Variants in ZNF117 observed in about 807,000 individuals in gnomAD.
ZNF117 encodes the protein Krueppel-related zinc finger protein.
A neutral mutation model predicts 41.2 loss-of-function variants in ZNF117; 37 were observed. The observed-to-expected ratio is 0.90, with a 90% CI of 0.69 to 1.18. The LOEUF (loss-of-function observed/expected upper bound fraction) is 1.18. Ranked by LOEUF, ZNF117 falls within the 50% of genes most tolerant of loss-of-function variation. The probability of loss-of-function intolerance (pLI) is 0.00; values close to 1 mark genes in which losing one functional copy is unlikely to be tolerated. For missense variants in ZNF117, 546 were observed against 557.5 expected, an observed-to-expected ratio of 0.98 and a Z score of 0.21; for synonymous variants, 186 against 186.6, an observed-to-expected ratio of 1.00 and a Z score of 0.02.
intron 1 of ZNF117, among the ~76,000 whole-genome samples, chr7:64,989,151 A>ACACC (rs1786197690): frequency 6.6e-6 from 1 of 150,626 alleles, no homozygotes; most frequent in African/African-American, 2.4e-5. Flanking sequence ...ATGTATACAC[A>ACACC]CACACACACA....
upstream of ZNF117, among the ~76,000 whole-genome samples, chr7:64,987,118 A>C (rs934478960): frequency 1.3e-5 from 2 of 152,194 alleles, no homozygotes; most frequent in Non-Finnish European, 2.9e-5. Context: ...ACAACTTGAT[A>C]CAAATATAAA....
chr7:64,990,465 A>C, exon 1 of ZNF117: 1 of 184,362 alleles, frequency 5.4e-6, no homozygotes, highest in Non-Finnish European at 1.1e-5. Flanking sequence ...TGCATCAGGC[A>C]GGGGCAAGTC....
rs1323782816 is a variant in ZNF117, at chr7:64,978,709, G to A, written c.862C>T (p.Gln288Ter). 1.2e-6 allele frequency: 2 copies of A among 1,612,616 alleles called. No individual in the cohort carries two copies. Among genetic ancestry groups the A allele is most frequent in the Non-Finnish European group, 1.7e-6 (2 of 1,179,504 alleles). ...TTATGTGTAGTAAGGGTTGAGGACTGGTTAAAGGCTTTACCACATTCTTCA... is the reference window on the plus strand; with the variant it reads ...TTATGTGTAGTAAGGGTTGAGGACTAGTTAAAGGCTTTACCACATTCTTCA... Residue 288 changes from glutamine to a stop codon, truncating the protein, a stop_gained, in exon 3 of 3, where the codon CAG becomes TAG. Transcript: ENST00000620222. LOFTEE classifies it high-confidence loss of function.
rs1207283975 is a variant in ZNF117, at chr7:64,978,068, G to T, written c.*51C>A. 3.8e-6 allele frequency: 6 copies of T among 1,570,564 alleles called. No individual in the cohort carries two copies. The African/African-American group carries it at 6.8e-5, about 18-fold the overall frequency. Reference sequence around the variant, plus strand: ...AAGTTTTGCCACATTCTTCACACTTGTAAGGTTTCTCTCCAGTATGAATTT... The same window carrying T: ...AAGTTTTGCCACATTCTTCACACTTTTAAGGTTTCTCTCCAGTATGAATTT... On this transcript the variant is annotated 3_prime_UTR_variant, in exon 3 of 3. Coordinates refer to ENST00000620222, the Ensembl canonical transcript of ZNF117.
rs12056103 is a variant in ZNF117, at chr7:64,990,335, T to C, written c.-584A>G. On this transcript the variant is annotated 5_prime_UTR_variant, in exon 1 of 4. It removes the in-frame stop codon of an upstream open reading frame in the 5' UTR. Coordinates refer to the ZNF117 transcript ENST00000282869. ...AAGGAATGCTTATATGTTGTGGGAATCAGGAGGCCGGAGAGATCACTGGGT... is the reference window on the plus strand; with the variant it reads ...AAGGAATGCTTATATGTTGTGGGAACCAGGAGGCCGGAGAGATCACTGGGT... 82,205 of 159,812 alleles carry C rather than the reference T, an allele frequency of 0.51. 22,161 individuals are homozygous for C. The highest frequency in any genetic ancestry group is 0.64 in the Admixed American group (10,388 of 16,290). 9.9% of individuals were successfully genotyped at this position (159,812 alleles called of 1,614,324 possible). A position where few individuals can be genotyped will look rare whatever the true frequency, so the allele number is the denominator to read the frequency against.
chr7:64,983,885 A>AAACAGAAAAAAC (rs1554299509), upstream of ZNF117, among the ~76,000 whole-genome samples: 1,106 of 152,324 alleles, frequency 7.3e-3, 12 homozygotes, highest in African/African-American at 0.024. Flanking sequence ...AAACAGTTAA[A>AAACAGAAAAAAC]AGCATCTTTT....
chr7:64,985,631 T>C (rs184209229), upstream of ZNF117, among the ~76,000 whole-genome samples: 2 of 152,224 alleles, frequency 1.3e-5, no homozygotes, highest in African/African-American at 2.4e-5. Flanking sequence ...AAAATATACA[T>C]AAAATTTAAA....
At chr7:64,987,077 C>T (rs56340521), upstream of ZNF117, among the ~76,000 whole-genome samples, 77,473 of 151,778 alleles carry the variant, frequency 0.51, 20,713 homozygotes, top group Admixed American at 0.63. Flanking sequence ...ATTCAAACAT[C>T]CCCAAATTAT....
exon 3 of ZNF117, chr7:64,975,127 C>T (rs1389014538): frequency 1.3e-5 from 2 of 151,792 alleles, no homozygotes; most frequent in African/African-American, 4.8e-5. Flanking sequence ...TACATTGTTA[C>T]TATCTTTTAC....
exon 3 of ZNF117, chr7:64,978,020 A>G: frequency 7.4e-7 from 1 of 1,354,652 alleles, no homozygotes; most frequent in Non-Finnish European, 1.0e-6. Flanking sequence ...TCTTATGTTT[A>G]GTAAGGGTTG....
exon 3 of ZNF117, chr7:64,977,242 C>A: frequency 2.4e-6 from 1 of 416,172 alleles, no homozygotes; most frequent in South Asian, 1.9e-5. Context: ...GATTTCTCTC[C>A]TGTATGAATT....
At chr7:64,990,822 T>C (rs1235534505) in exon 1 of ZNF117, 1 of 157,068 alleles carries the variant, frequency 6.4e-6, no homozygotes, top group African/African-American at 2.4e-5. Flanking sequence ...CAGATAATTA[T>C]CATAGCTCCA....
rs763971379 is a variant in ZNF117, at chr7:64,978,824, A to T, written c.747T>A (p.Tyr249Ter). The change falls in exon 3 of 3, where the codon TAT becomes TAA. Residue 249 changes from tyrosine (Y) to a stop codon, truncating the protein, a stop_gained. Transcript: ENST00000620222. LOFTEE classifies it high-confidence loss of function. Reference sequence around the variant, plus strand: ...AAGCTTTGCCGCATTCTTCACATTCATAACGTTTCTCTCCGGTATGAATTA... The same window carrying T: ...AAGCTTTGCCGCATTCTTCACATTCTTAACGTTTCTCTCCGGTATGAATTA... The T allele has an allele frequency of 6.2e-7, 1 of 1,613,476 alleles. No individual in the cohort carries two copies. Among genetic ancestry groups the T allele is most frequent in the Non-Finnish European group, 8.5e-7 (1 of 1,179,722 alleles).
chr7:64,981,477 C>T (rs1786032538), exon 2 of ZNF117: 2 of 1,583,892 alleles, frequency 1.3e-6, no homozygotes, highest in South Asian at 1.1e-5. Flanking sequence ...TTAGAGACAG[C>T]AATACCTGTT....
chr7:64,988,294 G>T (rs1182572237), intron 1 of ZNF117, among the ~76,000 whole-genome samples: 1 of 152,076 alleles, frequency 6.6e-6, no homozygotes, highest in Admixed American at 6.6e-5. Flanking sequence ...TATGAGGCTG[G>T]TTCAACATAC....
chr7:64,972,223 G>A (rs1480838927), downstream of ZNF117: 2 of 152,004 alleles, frequency 1.3e-5, no homozygotes, highest in African/African-American at 4.8e-5. Context: ...TGGTTTGAAT[G>A]TGAATGAGGA....
At chr7:64,984,905 C>T (rs1786101026), upstream of ZNF117, among the ~76,000 whole-genome samples, 1 of 152,184 alleles carries the variant, frequency 6.6e-6, no homozygotes, top group Admixed American at 6.5e-5. Context: ...ATTCACATGC[C>T]TCAGCCTCCT....
rs769223489 is a variant in ZNF117 at position 64,979,478 on chromosome 7, GA to G, written c.92del (p.Phe31SerfsTer4). 6.3e-7 allele frequency: 1 copy of G among 1,589,720 alleles called. No individual in the cohort carries two copies. Among genetic ancestry groups the G allele is most frequent in the Non-Finnish European group, 8.5e-7 (1 of 1,169,900 alleles). ...TATATCTTCTTAGGGTCACTTTCTG[GA>G]AAGAATCTCTTATGTTCTGCTCTGG... On this transcript the variant is annotated frameshift_variant, in exon 3 of 3. Transcript: ENST00000620222. LOFTEE classifies it high-confidence loss of function.
chr7:64,974,423 C>G (rs902897755), downstream of ZNF117: 15 of 151,884 alleles, frequency 9.9e-5, no homozygotes, highest in Non-Finnish European at 1.2e-4. Context: ...CAATACAAAG[C>G]AGAGTATACA....
Sources: gnomAD v4.1 joint callset for allele counts (sites outside exome capture counted in the v4.1 genomes callset) on GRCh38, gnomAD v4.1.1 for gene constraint, MANE v1.5 for transcripts, NCBI Gene and HGNC (gene_info 2026-07-23, HGNC 2026-07-21) for gene names.